The following EHBP1 variants were observed in gnomAD, a reference collection of about 807,000 sequenced individuals.
EHBP1 encodes EH domain binding protein 1.
EHBP1 carries 55 observed loss-of-function variants against 144.0 expected under a neutral mutation model. The ratio of observed to expected loss-of-function variants is 0.38; its 90% CI spans 0.31 to 0.48. The LOEUF is 0.48. Among genes scored for constraint, EHBP1 ranks in the 20% least tolerant of loss-of-function variants. The pLI is 0.98. For synonymous variants in EHBP1, 469 were observed against 472.7 expected, an observed-to-expected ratio of 0.99 and a Z score of 0.10; for missense variants, 1,200 against 1,364.2, an observed-to-expected ratio of 0.88 and a Z score of 1.90.
chr2:62,977,596 T>C (rs765556297), intron 14 of EHBP1, among the ~76,000 whole-genome samples: 22 of 152,176 alleles, frequency 1.4e-4, no homozygotes, highest in Non-Finnish European at 2.8e-4. Flanking sequence ...TACTTTCTCT[T>C]TCTCTATATA....
intron 2 of EHBP1, among the ~76,000 whole-genome samples, chr2:62,728,585 A>G (rs1205266547): frequency 6.6e-6 from 1 of 151,950 alleles, no homozygotes; most frequent in African/African-American, 2.4e-5. Context: ...CCCATTTTTA[A>G]TTGGATCGTT....
Position 62,832,398 on chromosome 2 carries a change from C to CTTTGCTTTA in EHBP1, c.634+1243_634+1251dup, listed in dbSNP as rs1317751476. ...TACAGGCATAGTTTGTTTTACTGAACTTTGCTTTATTGCACTTCACAGATT... is the reference window on the plus strand; with the variant it reads ...TACAGGCATAGTTTGTTTTACTGAACTTTGCTTTATTTGCTTTATTGCACTTCACAGATT... On this transcript the variant is annotated intron_variant, in intron 7 of 22. Coordinates refer to ENST00000431489, the MANE Select transcript of EHBP1 (RefSeq NM_001142616.3). 9.0e-5 allele frequency among the ~76,000 whole-genome samples: 13 copies of CTTTGCTTTA among 144,530 alleles called. No individual in the cohort carries two copies. The East Asian group carries it at 2.4e-3, about 27-fold the overall frequency. 94.8% of individuals were successfully genotyped at this position (144,530 alleles called of 152,430 possible).
intron 10 of EHBP1, among the ~76,000 whole-genome samples, chr2:62,897,189 GC>G (rs777203602): frequency 6.6e-6 from 1 of 151,872 alleles, no homozygotes; most frequent in Non-Finnish European, 1.5e-5. Flanking sequence ...TCCCTTTCTT[GC>G]CCCAAAGGTA....
intron 2 of EHBP1, chr2:62,726,859 T>G (rs2036847389): frequency 6.6e-6 from 1 of 152,142 alleles, no homozygotes; most frequent in Admixed American, 6.5e-5. Flanking sequence ...GTTCCCCATG[T>G]GAGAACTATT....
intron 2 of EHBP1, among the ~76,000 whole-genome samples, chr2:62,729,421 T>TA (rs1430172433): frequency 8.0e-5 from 8 of 99,968 alleles, no homozygotes; most frequent in South Asian, 2.6e-4. Flanking sequence ...ATAATAATAA[T>TA]ATAATATAAT....
At chr2:62,698,207 G>A (rs2034166125) in intron 1 of EHBP1, among the ~76,000 whole-genome samples, 1 of 152,214 alleles carries the variant, frequency 6.6e-6, no homozygotes, top group Admixed American at 6.5e-5. Context: ...TTCAAGAAAA[G>A]AGTGAATATT....
chr2:62,820,340 T>C (rs952057015), intron 5 of EHBP1, among the ~76,000 whole-genome samples: 1 of 152,142 alleles, frequency 6.6e-6, no homozygotes, highest in Non-Finnish European at 1.5e-5. Flanking sequence ...ATAAATCTTT[T>C]TTCACTTTTT....
intron 14 of EHBP1, among the ~76,000 whole-genome samples, chr2:62,978,325 C>T (rs954433103): frequency 1.3e-5 from 2 of 151,706 alleles, no homozygotes; most frequent in African/African-American, 4.8e-5. Flanking sequence ...CTCAGCTTCC[C>T]GAGTAGCTGG....
At chr2:62,977,186 AG>A (rs2058755030) in intron 14 of EHBP1, among the ~76,000 whole-genome samples, 2 of 151,460 alleles carry the variant, frequency 1.3e-5, no homozygotes, top group South Asian at 4.2e-4. Context: ...AAAAAAAAAA[AG>A]ACATATGCAT....
chr2:62,873,244 T>C (rs2050626357), intron 9 of EHBP1, among the ~76,000 whole-genome samples: 1 of 152,142 alleles, frequency 6.6e-6, no homozygotes, highest in South Asian at 2.1e-4. Context: ...AATACTAGAT[T>C]TGACAGATAG....
intron 19 of EHBP1, among the ~76,000 whole-genome samples, chr2:63,018,663 A>G (rs1298079419): frequency 6.6e-6 from 1 of 152,228 alleles, no homozygotes; most frequent in Non-Finnish European, 1.5e-5. Context: ...TTTATCCAGA[A>G]AAACAAATGT....
In EHBP1 at chr2:62,993,908, G is replaced by A. The variant is rs778872160; in HGVS notation, c.2910G>A (p.Lys970=). 6.3e-7 allele frequency: 1 copy of A among 1,595,698 alleles called. No individual in the cohort carries two copies. Among genetic ancestry groups the A allele is most frequent in the Non-Finnish European group, 8.5e-7 (1 of 1,169,812 alleles). Residue 970 remains lysine, a synonymous_variant, in exon 18 of 23, where the codon AAG becomes AAA. Coordinates refer to ENST00000431489, the MANE Select transcript of EHBP1 (RefSeq NM_001142616.3). Reference sequence around the variant, plus strand: ...AGAGATCAATACAGGAAGATACAAAGAAAGGAAATGAGGAGAAGGCAGCGA... The same window carrying A: ...AGAGATCAATACAGGAAGATACAAAAAAAGGAAATGAGGAGAAGGCAGCGA... ...KRQRSIQEDT[K]KGNEEKAAIT... is the part of the protein sequence containing the mutation.
intron 6 of EHBP1, among the ~76,000 whole-genome samples, chr2:62,826,987 A>G (rs1490535414): frequency 6.6e-6 from 1 of 152,196 alleles, no homozygotes; most frequent in East Asian, 1.9e-4. Flanking sequence ...GTGGAAGATG[A>G]AGAGACAGGA....
At chr2:62,867,928 C>G (rs376222359) in intron 9 of EHBP1, among the ~76,000 whole-genome samples, 1 of 152,016 alleles carries the variant, frequency 6.6e-6, no homozygotes, top group African/African-American at 2.4e-5. Context: ...CAAAGAAAAT[C>G]AATTAGGAAA....
At chr2:62,885,497 C>T (rs2051849666) in intron 10 of EHBP1, among the ~76,000 whole-genome samples, 1 of 152,026 alleles carries the variant, frequency 6.6e-6, no homozygotes, top group Non-Finnish European at 1.5e-5. Flanking sequence ...TGATGGCTGA[C>T]CACCTTTTAC....
chr2:62,695,084 G>T (rs960944852), intron 1 of EHBP1, among the ~76,000 whole-genome samples: 3 of 152,186 alleles, frequency 2.0e-5, no homozygotes, highest in African/African-American at 4.8e-5. Flanking sequence ...AGTGAAGACT[G>T]GGTGCAGTGG....
chr2:62,771,323 T>C lies in EHBP1; in HGVS notation c.259-16T>C, dbSNP rs2041641360. On this transcript the variant is annotated splice_polypyrimidine_tract_variant and intron_variant, in intron 4 of 22. Coordinates refer to ENST00000431489, the MANE Select transcript of EHBP1 (RefSeq NM_001142616.3). Reference sequence around the variant, plus strand: ...CATGTATTTCAATTCCATTTCATATTTTGCTTTTGTTACAGGATCCTCATG... The same window carrying C: ...CATGTATTTCAATTCCATTTCATATCTTGCTTTTGTTACAGGATCCTCATG... 6.3e-7 allele frequency: 1 copy of C among 1,584,782 alleles called. No individual in the cohort carries two copies. Among genetic ancestry groups the C allele is most frequent in the African/African-American group, 1.4e-5 (1 of 74,002 alleles).
At chr2:62,863,217 G>A (rs1242091111) in intron 8 of EHBP1, among the ~76,000 whole-genome samples, 19 of 151,944 alleles carry the variant, frequency 1.3e-4, no homozygotes, top group Admixed American at 9.2e-4. Flanking sequence ...CTGGGGAGGC[G>A]GAGGTTGCAG....
chr2:62,731,524 G>A (rs969250441), intron 2 of EHBP1, among the ~76,000 whole-genome samples: 1 of 152,070 alleles, frequency 6.6e-6, no homozygotes, highest in South Asian at 2.1e-4. Context: ...TAAGTATAAC[G>A]TTATCCTTAG....
Sources: gnomAD v4.1 joint callset for allele counts (sites outside exome capture counted in the v4.1 genomes callset) on GRCh38, gnomAD v4.1.1 for gene constraint, MANE v1.5 for transcripts, NCBI Gene and HGNC (gene_info 2026-07-23, HGNC 2026-07-21) for gene names.